The following SECISBP2 variants were observed in gnomAD, a reference collection of about 807,000 sequenced individuals.
The protein encoded by SECISBP2 is SECIS binding protein 2.
In SECISBP2, 96 loss-of-function variants were observed where a neutral mutation model predicts 98.2. The ratio of observed to expected loss-of-function variants is 0.98; its 90% confidence interval spans 0.83 to 1.16. SECISBP2 has a LOEUF of 1.16. Ranked by LOEUF, SECISBP2 falls within the 50% of genes most tolerant of loss-of-function variation. The pLI, the probability that SECISBP2 is intolerant of heterozygous loss-of-function variation, is 0.00. For missense variants in SECISBP2, 1,046 were observed against 1,022.9 expected (o/e 1.02, Z -0.31); for synonymous variants, 407 against 370.2 (o/e 1.10, Z -1.14).
chr9:89,358,700 C>T (rs560638177), intron 16 of SECISBP2, 21 bp from the exon 17 acceptor site: 22 of 1,515,818 alleles, frequency 1.5e-5, no homozygotes, highest in East Asian at 4.5e-5. Flanking sequence ...ATTCCTCACT[C>T]GTGCTGTTTT....
chr9:89,322,636 T>A (rs990037760), intron 2 of SECISBP2: 1 of 152,208 alleles, frequency 6.6e-6, no homozygotes, highest in African/African-American at 2.4e-5. Flanking sequence ...TGTGAAAATT[T>A]TAGTACCAAT....
chr9:89,361,520 C>T (rs1234349275), downstream of SECISBP2: 3 of 152,214 alleles, frequency 2.0e-5, no homozygotes, highest in Admixed American at 6.5e-5. Context: ...TTCACACACA[C>T]AGTGACACAG....
At chr9:89,354,950 A>G (rs745534424) in intron 14 of SECISBP2, 7 of 985,196 alleles carry the variant, frequency 7.1e-6, no homozygotes, top group Non-Finnish European at 6.0e-6. Context: ...CCTCTGCCCT[A>G]TCTCCCCTTT....
Position 89,357,085 on chromosome 9 carries a change from G to T in SECISBP2, c.2114-326G>T, listed in dbSNP as rs1314010600. ...TTAACCTTTCTGTGCCTCTGGTTGTGCATCTGTCAGTGAGGACACAGCATC... is the reference window on the plus strand; with the variant it reads ...TTAACCTTTCTGTGCCTCTGGTTGTTCATCTGTCAGTGAGGACACAGCATC... On this transcript the variant is annotated intron_variant, in intron 14 of 16. Coordinates refer to ENST00000375807, the MANE Select transcript of SECISBP2 (RefSeq NM_024077.5). 3 of 386,420 alleles carry T rather than the reference G, an allele frequency of 7.8e-6. No homozygotes were observed. In the Admixed American group the frequency reaches 1.1e-4, roughly 15 times the overall value. The allele number at this position is 386,420 out of a possible 1,614,324, so 23.9% of individuals were successfully genotyped here. A position where few individuals can be genotyped will look rare whatever the true frequency, so the allele number is the denominator to read the frequency against.
intron 7 of SECISBP2, among the ~76,000 whole-genome samples, chr9:89,336,946 ATTG>A (rs1263021764): frequency 6.0e-5 from 9 of 151,170 alleles, no homozygotes; most frequent in Admixed American, 5.9e-4. Flanking sequence ...TAATTTTTGT[ATTG>A]TTTTAGTAGA....
rs1211263073 is a variant in SECISBP2 at position 89,359,538 on chromosome 9, T to C, written c.*714T>C. Reference sequence around the variant, plus strand: ...AATCTTTCCTTTTTCAATGAACATATTCTGAATGTGGTTTCTGTCTTAGAC... The same window carrying C: ...AATCTTTCCTTTTTCAATGAACATACTCTGAATGTGGTTTCTGTCTTAGAC... On this transcript the variant is annotated 3_prime_UTR_variant, in exon 17 of 17. Coordinates refer to ENST00000375807, the MANE Select transcript of SECISBP2 (RefSeq NM_024077.5). The C allele has an allele frequency of 6.6e-6, 1 of 152,324 alleles. No homozygotes were observed. The highest frequency in any genetic ancestry group is 1.9e-4 in the East Asian group (1 of 5,208). The allele number at this position is 152,324 out of a possible 1,614,324, so 9.4% of individuals were successfully genotyped here.
Position 89,325,693 on chromosome 9 carries a change from T to C in SECISBP2, c.432+17T>C. On this transcript the variant is annotated intron_variant, in intron 3 of 16. Coordinates refer to ENST00000375807, the MANE Select transcript of SECISBP2 (RefSeq NM_024077.5). ...CTGTTTAAGGTGAGTAGTGATGTTG[T>C]TTTGTTGTGTCCTTTAGTTGGTTGC... The C allele has an allele frequency of 1.9e-6, 3 of 1,613,926 alleles. No homozygotes were observed. Among genetic ancestry groups the C allele is most frequent in the Non-Finnish European group, 2.5e-6 (3 of 1,180,020 alleles).
chr9:89,322,435 A>G (rs1450871246), intron 2 of SECISBP2: 1 of 152,226 alleles, frequency 6.6e-6, no homozygotes, highest in East Asian at 1.9e-4. Flanking sequence ...CACTTCTTTC[A>G]TAGTTACTAC....
intron 2 of SECISBP2, among the ~76,000 whole-genome samples, chr9:89,320,849 G>C (rs75559889): frequency 0.066 from 10,018 of 152,250 alleles, 465 homozygotes; most frequent in Middle Eastern, 0.12. Context: ...ATCAGGTGTA[G>C]TTCTAATCTA....
downstream of SECISBP2, chr9:89,362,551 G>C: frequency 6.4e-7 from 1 of 1,556,754 alleles, no homozygotes; most frequent in Non-Finnish European, 8.8e-7. Flanking sequence ...CCCTGTTGTG[G>C]TTCCCCTCCT....
At chr9:89,334,272 C>A (rs1828255565) in intron 6 of SECISBP2, 2 of 1,086,628 alleles carry the variant, frequency 1.8e-6, no homozygotes, top group Non-Finnish European at 2.5e-6. Flanking sequence ...CCACCTCCAA[C>A]CCCCAGGTTA....
chr9:89,325,773 ATGTATTTTTT>A, intron 3 of SECISBP2, 97 bp downstream of exon 3: 1 of 1,594,486 alleles, frequency 6.3e-7, no homozygotes, highest in Non-Finnish European at 8.6e-7. Flanking sequence ...TTTAAGTATC[ATGTATTTTTT>A]TGTATTTAAC....
At position 89,318,588 on chromosome 9, in the gene SECISBP2, G is replaced by A. The variant is rs989595788; in HGVS notation, c.12G>A (p.Glu4=). The stretch of plus-strand genomic sequence containing the variant: ...CCGCGCCTCGCGGCATGGCGTCGGA[G>A]GGGCCGCGGGAGCCCGAAAGCGAGG... The part of the protein sequence containing the change: MAS[E]GPREPESEGI... Residue 4 remains glutamate (E), a synonymous_variant, in exon 1 of 17, where the codon GAG becomes GAA. Transcript: ENST00000375807. The A allele has an allele frequency of 1.5e-5, 22 of 1,469,112 alleles. No homozygotes were observed. The African/African-American group carries it at 3.1e-4, about 21-fold the overall frequency. The allele number at this position is 1,469,112 out of a possible 1,614,324, so 91.0% of individuals were successfully genotyped here.
chr9:89,324,037 A>G (rs1826257901), intron 2 of SECISBP2: 1 of 152,128 alleles, frequency 6.6e-6, no homozygotes, highest in South Asian at 2.1e-4. Flanking sequence ...TTGTCTGTTC[A>G]TTTATCTATT....
chr9:89,363,554 C>CA, downstream of SECISBP2: 1 of 1,613,246 alleles, frequency 6.2e-7, no homozygotes, highest in South Asian at 1.1e-5. Flanking sequence ...GTCCCCAGGT[C>CA]AAAGCTCTGT....
At chr9:89,320,166 G>A (rs2131513675) in intron 2 of SECISBP2, among the ~76,000 whole-genome samples, 1 of 152,146 alleles carries the variant, frequency 6.6e-6, no homozygotes, top group Non-Finnish European at 1.5e-5. Context: ...AGACCAGTGT[G>A]ACCAACATGG....
downstream of SECISBP2, chr9:89,362,225 T>G: frequency 9.5e-7 from 1 of 1,053,572 alleles, no homozygotes; most frequent in Non-Finnish European, 1.4e-6. Flanking sequence ...GGTTCCAGGC[T>G]TCTCCACTGT....
rs142550746 is a variant in SECISBP2, at chr9:89,334,814, G to C, written c.1089+84G>C. The stretch of plus-strand genomic sequence containing the variant: ...GGAATGAGAAGTTATTTATTAATGG[G>C]TAGAGAGTTTCAGTTTTGCTAGGGG... On this transcript the variant is annotated intron_variant, in intron 7 of 16. Coordinates refer to ENST00000375807, the MANE Select transcript of SECISBP2 (RefSeq NM_024077.5). The C allele has an allele frequency of 4.9e-4, 509 of 1,029,824 alleles. No homozygotes were observed. The African/African-American group carries it at 6.9e-3, about 14-fold the overall frequency. The allele number at this position is 1,029,824 out of a possible 1,614,324, so 63.8% of individuals were successfully genotyped here.
rs28488185 is a variant in SECISBP2 at position 89,359,316 on chromosome 9, C to T, written c.*492C>T. The T allele has an allele frequency of 6.2e-4, 102 of 163,210 alleles. No homozygotes were observed. The highest frequency in any genetic ancestry group is 1.1e-3 in the Non-Finnish European group (83 of 73,898). 10.1% of individuals were successfully genotyped at this position (163,210 alleles called of 1,614,324 possible). A position where few individuals can be genotyped will look rare whatever the true frequency, so the allele number is the denominator to read the frequency against. On this transcript the variant is annotated 3_prime_UTR_variant, in exon 17 of 17. Transcript: ENST00000375807. ...TGCTGGTGTCAGAGCAAGAGGGCTA[C>T]AGGGAAAGGGCCCTTTCTCAGGGGA...
Sources: gnomAD v4.1 joint callset for allele counts (sites outside exome capture counted in the v4.1 genomes callset) on GRCh38, gnomAD v4.1.1 for gene constraint, MANE v1.5 for transcripts, NCBI Gene and HGNC (gene_info 2026-07-23, HGNC 2026-07-21) for gene names.